AP4E1: variants seen among roughly 807,000 people sequenced by gnomAD.
AP4E1 encodes the protein adaptor related protein complex 4 subunit epsilon 1.
AP4E1 carries 56 observed loss-of-function variants against 128.2 expected under a neutral mutation model. The ratio of observed to expected loss-of-function variants is 0.44; its 90% CI spans 0.35 to 0.55. The LOEUF (loss-of-function observed/expected upper bound fraction) is 0.55, where lower values mean the gene tolerates loss of function less well. AP4E1 is among the 20% of genes least tolerant of loss of function. The pLI is 0.00. For missense variants in AP4E1, 1,324 were observed against 1,307.7 expected, an observed-to-expected ratio of 1.01 and a Z score of -0.19; for synonymous variants, 484 against 473.1, an observed-to-expected ratio of 1.02 and a Z score of -0.30.
intron 10 of AP4E1, among the ~76,000 whole-genome samples, chr15:50,944,154 T>C (rs916457879): frequency 3.3e-5 from 5 of 152,234 alleles, no homozygotes; most frequent in Non-Finnish European, 7.3e-5. Flanking sequence ...GTATCCTTGG[T>C]GCCCAAAGAT....
rs189348504 is a variant in AP4E1, at chr15:50,990,316, A to G, written c.2091-3054A>G. On this transcript the variant is annotated intron_variant, in intron 16 of 20. Transcript: ENST00000261842. ...ATGGCCTTATGTTGCTTTCTTATGTATTTTCCCATTTTTTATTATTTATTT... is the reference window on the plus strand; with the variant it reads ...ATGGCCTTATGTTGCTTTCTTATGTGTTTTCCCATTTTTTATTATTTATTT... Among the ~76,000 whole-genome samples the G allele has an allele frequency of 5.3e-3, 780 of 148,212 alleles. 4 individuals carry two copies. Among genetic ancestry groups the G allele is most frequent in the Middle Eastern group, 0.021 (6 of 282 alleles).
chr15:50,908,951 G>T, intron 1 of AP4E1, 23 bp downstream of exon 1: 1 of 1,609,828 alleles, frequency 6.2e-7, no homozygotes, highest in Non-Finnish European at 8.5e-7. Flanking sequence ...CGGCCCGGGA[G>T]CTCAGGGACA....
Position 50,908,754 on chromosome 15 carries a change from G to A in AP4E1, c.-25G>A. 3 of 1,509,922 alleles carry A rather than the reference G, an allele frequency of 2.0e-6. No individual in the cohort carries two copies. The highest frequency in any genetic ancestry group is 2.5e-5 in the South Asian group (2 of 78,846). 93.5% of individuals were successfully genotyped at this position (1,509,922 alleles called of 1,614,324 possible). On this transcript the variant is annotated 5_prime_UTR_variant, in exon 1 of 21. Transcript: ENST00000261842. ...GGGCGGCTACGGGATCGCGGGCGGC[G>A]GCGGCATCGCGGGCGGCGGCGGCGA...
Position 50,949,815 on chromosome 15 carries a change from A to G in AP4E1, c.1317-11A>G, listed in dbSNP as rs1413077087. The G allele has an allele frequency of 6.3e-7, 1 of 1,590,330 alleles. No individual in the cohort carries two copies. Among genetic ancestry groups the G allele is most frequent in the South Asian group, 1.1e-5 (1 of 90,628 alleles). ...ATTTGGAAGTGTACTTGTTCTTAAC[A>G]CTGTGGACACATATGCTCCTGATAA... On this transcript the variant is annotated splice_polypyrimidine_tract_variant and intron_variant, in intron 11 of 20. Coordinates refer to ENST00000261842, the MANE Select transcript of AP4E1 (RefSeq NM_007347.5).
At chr15:50,992,787 T>C (rs2064822288) in intron 16 of AP4E1, among the ~76,000 whole-genome samples, 1 of 152,214 alleles carries the variant, frequency 6.6e-6, no homozygotes, top group Non-Finnish European at 1.5e-5. Flanking sequence ...GCTATGTGCA[T>C]AGTGAGAAAA....
rs148817957 is a variant in AP4E1 at position 50,948,119 on chromosome 15, A to G, written c.1276A>G (p.Ile426Val). Residue 426 changes from isoleucine to valine, a missense_variant, in exon 11 of 21, where the codon ATC becomes GTC. Transcript: ENST00000261842. ...YLHQSKEEYVIVNLVGKIAEL... is the reference protein window; with the variant it reads ...YLHQSKEEYVVVNLVGKIAEL... ...ACATCAGAGCAAAGAAGAGTATGTC[A>G]TCGTCAATTTGGTCGGCAAAATAGC... 3 of 1,614,018 alleles carry G rather than the reference A, an allele frequency of 1.9e-6. No individual in the cohort carries two copies. The highest frequency in any genetic ancestry group is 1.3e-5 in the African/African-American group (1 of 75,056).
At chr15:50,989,836 T>C (rs2064780180) in intron 16 of AP4E1, among the ~76,000 whole-genome samples, 1 of 152,130 alleles carries the variant, frequency 6.6e-6, no homozygotes, top group Admixed American at 6.5e-5. Flanking sequence ...TTATATAATA[T>C]ATCCTGCAGT....
chr15:50,940,119 T>C (rs1240886594), intron 8 of AP4E1, among the ~76,000 whole-genome samples: 1 of 152,194 alleles, frequency 6.6e-6, no homozygotes, highest in Non-Finnish European at 1.5e-5. Context: ...ATTAGTCAAT[T>C]GACTAAGGTT....
intron 2 of AP4E1, among the ~76,000 whole-genome samples, chr15:50,913,773 G>GT (rs963936877): frequency 9.9e-5 from 15 of 152,186 alleles, no homozygotes; most frequent in Admixed American, 9.2e-4. Flanking sequence ...AGTATTTTTT[G>GT]TTTATCTTTT....
Position 50,997,799 on chromosome 15 carries a change from A to G in AP4E1, c.2820A>G (p.Leu940=), listed in dbSNP as rs2064899920. The change falls in exon 18 of 21, where the codon TTA becomes TTG. Residue 940 remains leucine, a synonymous_variant. Transcript: ENST00000261842. ...ATAAAATTTGGAAAGATGATTGTTT[A>G]TTGATGGTCTGGTCAGTCACTAATA... The part of the protein sequence containing the change: ...SSYKIWKDDC[L]LMVWSVTNKS... The G allele has an allele frequency of 6.2e-7, 1 of 1,609,252 alleles. No homozygotes were observed. Among genetic ancestry groups the G allele is most frequent in the South Asian group, 1.1e-5 (1 of 90,574 alleles).
chr15:50,978,485 C>G (rs1039698028), intron 15 of AP4E1, among the ~76,000 whole-genome samples: 3 of 152,026 alleles, frequency 2.0e-5, no homozygotes, highest in Non-Finnish European at 4.4e-5. Context: ...AATTGCAGTA[C>G]AAAGTATGAT....
chr15:50,950,075 A>G lies in AP4E1; in HGVS notation c.1454A>G (p.Gln485Arg). ...GGTTTTGATGATGAAACAGAAGATC[A>G]GCAATTAAGACTCTATGCAGTTCAG... ...AEGFDDETEDQQLRLYAVQSY... is the reference protein window; with the variant it reads ...AEGFDDETEDRQLRLYAVQSY... The change falls in exon 13 of 21, where the codon CAG (glutamine) becomes CGG (arginine). Residue 485 changes from glutamine (Q) to arginine (R), a missense_variant. Coordinates refer to ENST00000261842, the MANE Select transcript of AP4E1 (RefSeq NM_007347.5). The G allele has an allele frequency of 2.5e-6, 4 of 1,613,304 alleles. No individual in the cohort carries two copies. The highest frequency in any genetic ancestry group is 2.2e-5 in the South Asian group (2 of 91,074).
Position 50,908,747 on chromosome 15 carries a change from G to C in AP4E1, c.-32G>C. On this transcript the variant is annotated 5_prime_UTR_variant, in exon 1 of 21. Coordinates refer to ENST00000261842, the MANE Select transcript of AP4E1 (RefSeq NM_007347.5). ...TGAAGCCGGGCGGCTACGGGATCGC[G>C]GGCGGCGGCGGCATCGCGGGCGGCG... 6.7e-7 allele frequency: 1 copy of C among 1,503,390 alleles called. No individual in the cohort carries two copies. Among genetic ancestry groups the C allele is most frequent in the Non-Finnish European group, 8.9e-7 (1 of 1,128,034 alleles). 93.1% of individuals were successfully genotyped at this position (1,503,390 alleles called of 1,614,324 possible).
intron 16 of AP4E1, among the ~76,000 whole-genome samples, chr15:50,986,184 T>A (rs1328295956): frequency 6.7e-6 from 1 of 148,444 alleles, no homozygotes; most frequent in Non-Finnish European, 1.5e-5. Context: ...CTGAAGTTGC[T>A]TATCAGCTTA....
Position 50,984,071 on chromosome 15 carries a change from T to C in AP4E1, c.2016T>C (p.Thr672=). Residue 672 remains threonine (T), a synonymous_variant, in exon 16 of 21, where the codon ACT becomes ACC. Coordinates refer to ENST00000261842, the MANE Select transcript of AP4E1 (RefSeq NM_007347.5). ...TCTCCTTTTCTTCATCTGGCTTCAC[T>C]GGACGACAGTCTCCTGCTGGCATTT... The part of the protein sequence containing the change: ...YGLSFSSSGF[T]GRQSPAGISL... 1 of 1,613,568 alleles carries C rather than the reference T, an allele frequency of 6.2e-7. No homozygotes were observed. Among genetic ancestry groups the C allele is most frequent in the South Asian group, 1.1e-5 (1 of 91,072 alleles).
At chr15:50,912,252 A>T (rs746614319) in intron 2 of AP4E1, 103 bp downstream of exon 2, 2 of 1,063,680 alleles carry the variant, frequency 1.9e-6, no homozygotes, top group Middle Eastern at 2.0e-4. Context: ...AATTTGATTT[A>T]TCATAGTCAA....
intron 8 of AP4E1, among the ~76,000 whole-genome samples, chr15:50,936,324 C>T (rs1032476318): frequency 2.5e-4 from 37 of 150,238 alleles, no homozygotes; most frequent in South Asian, 4.2e-4. Flanking sequence ...GAAAGTCTTT[C>T]GGGAAATTCT....
At chr15:50,986,215 T>C (rs905368094) in intron 16 of AP4E1, among the ~76,000 whole-genome samples, 1 of 152,048 alleles carries the variant, frequency 6.6e-6, no homozygotes, top group Non-Finnish European at 1.5e-5. Flanking sequence ...GGGCTGAGAC[T>C]GTGGGGTTTT....
At chr15:50,981,336 C>T (rs549156982) in intron 15 of AP4E1, among the ~76,000 whole-genome samples, 1 of 152,316 alleles carries the variant, frequency 6.6e-6, no homozygotes, top group South Asian at 2.1e-4. Flanking sequence ...GTTGATTTCT[C>T]TGTTGGGCTT....
Sources: allele counts gnomAD v4.1 joint callset (sites outside exome capture counted in the v4.1 genomes callset), GRCh38; gene constraint gnomAD v4.1.1; transcripts MANE v1.5; gene names NCBI Gene and HGNC (gene_info 2026-07-23, HGNC 2026-07-21).